The following ZBBX variants were observed in gnomAD, a reference collection of about 807,000 sequenced individuals.
ZBBX encodes the protein zinc finger B-box domain-containing protein 1.
In ZBBX, 101 loss-of-function variants were observed where a neutral mutation model predicts 108.5. The observed-to-expected ratio is 0.93, with a 90% CI of 0.79 to 1.10. The LOEUF (loss-of-function observed/expected upper bound fraction) is 1.10, where lower values mean the gene tolerates loss of function less well. Ranked by LOEUF, ZBBX falls within the 50% of genes least tolerant of loss-of-function variation. The probability of loss-of-function intolerance (pLI) is 0.00; values close to 1 mark genes in which losing one functional copy is unlikely to be tolerated. For missense variants in ZBBX, 1,009 were observed against 941.4 expected, an observed-to-expected ratio of 1.07 and a Z score of -0.94; for synonymous variants, 356 against 323.4, an observed-to-expected ratio of 1.10 and a Z score of -1.08.
In ZBBX at chr3:167,298,288, A is replaced by G; in HGVS notation, c.1879+17T>C. On this transcript the variant is annotated intron_variant, in intron 18 of 21. Coordinates refer to ENST00000675490, the MANE Select transcript of ZBBX (RefSeq NM_001199201.2). ...GATGAGAACAGACTGTTTTAGAAAA[A>G]TGAGCTAGAAATTTACCTGCAAGTG... 1 of 1,580,158 alleles carries G rather than the reference A, an allele frequency of 6.3e-7. No individual in the cohort carries two copies. Among genetic ancestry groups the G allele is most frequent in the Non-Finnish European group, 8.6e-7 (1 of 1,164,922 alleles).
At chr3:167,243,748 C>CTTTTTTTTTT in intron 20 of ZBBX, among the ~76,000 whole-genome samples, 1 of 70,874 alleles carries the variant, frequency 1.4e-5, no homozygotes, top group Admixed American at 1.9e-4. Flanking sequence ...GTGGACTTGA[C>CTTTTTTTTTT]TTTTTTTTTT....
the ZBBX span, among the ~76,000 whole-genome samples, chr3:167,195,739 G>T: frequency 6.6e-6 from 1 of 152,126 alleles, no homozygotes; most frequent in Non-Finnish European, 1.5e-5. Flanking sequence ...CAAATCTGAC[G>T]TTTATAACGG....
intron 6 of ZBBX, among the ~76,000 whole-genome samples, chr3:167,362,790 T>C (rs535963359): frequency 6.6e-6 from 1 of 152,124 alleles, no homozygotes; most frequent in South Asian, 2.1e-4. Flanking sequence ...GTTTCCAGAA[T>C]ATTATTGTGC....
At chr3:167,180,492 A>G in the ZBBX span, among the ~76,000 whole-genome samples, 1 of 152,210 alleles carries the variant, frequency 6.6e-6, no homozygotes, top group Non-Finnish European at 1.5e-5. Context: ...CTATAATTAA[A>G]CCAGTGTGAA....
In ZBBX at chr3:167,321,069, T is replaced by A. The variant is rs539628826; in HGVS notation, c.983+1048A>T. On this transcript the variant is annotated intron_variant, in intron 12 of 21. Transcript: ENST00000675490. ...TATTGTCCCTATGTAAGTTTCCTGG[T>A]TTTGATATGCACTATGTTTATGTAA... Among the ~76,000 whole-genome samples, 71 of 152,160 alleles carry A rather than the reference T, an allele frequency of 4.7e-4. 1 individual carries two copies. Among genetic ancestry groups the A allele is most frequent in the Non-Finnish European group, 9.3e-4 (63 of 67,958 alleles).
At chr3:167,191,651 C>T in the ZBBX span, among the ~76,000 whole-genome samples, 1 of 151,900 alleles carries the variant, frequency 6.6e-6, no homozygotes, top group African/African-American at 2.4e-5. Flanking sequence ...TGTGAAGCCT[C>T]CCCAGCCACG....
chr3:167,322,663 A>G (rs1736644660), intron 11 of ZBBX, among the ~76,000 whole-genome samples: 1 of 152,060 alleles, frequency 6.6e-6, no homozygotes, highest in African/African-American at 2.4e-5. Context: ...GGAGGAGACA[A>G]TTTTCTTCAC....
chr3:167,226,962 C>T, the ZBBX span, among the ~76,000 whole-genome samples: 8 of 151,594 alleles, frequency 5.3e-5, no homozygotes, highest in Admixed American at 5.3e-4. Flanking sequence ...GTGTGGAAGC[C>T]CCAATCAGGC....
At chr3:167,212,532 C>T in the ZBBX span, among the ~76,000 whole-genome samples, 1 of 152,198 alleles carries the variant, frequency 6.6e-6, no homozygotes, top group African/African-American at 2.4e-5. Flanking sequence ...AGTCCATCTC[C>T]CATGGGACCC....
At chr3:167,225,626 C>T in the ZBBX span, among the ~76,000 whole-genome samples, 1 of 151,784 alleles carries the variant, frequency 6.6e-6, no homozygotes, top group Non-Finnish European at 1.5e-5. Flanking sequence ...ATCGGGGGCT[C>T]GGATTGTCTT....
Position 167,282,423 on chromosome 3 carries a change from A to G in ZBBX, c.2069T>C (p.Leu690Pro), listed in dbSNP as rs1447447728. Residue 690 changes from leucine (L) to proline (P), a missense_variant, in exon 20 of 22, where the codon CTT becomes CCT. By Grantham distance (98) the Leu-to-Pro change is moderately conservative. Coordinates refer to ENST00000675490, the MANE Select transcript of ZBBX (RefSeq NM_001199201.2). ...SNSVKESSSC[L>P]SSSHPRSRSA... ...TCTTGATCGAGGATGAGAGGATGAA[A>G]GGCAACTGGAGCTTTCTTTAACAGA... The G allele has an allele frequency of 6.2e-7, 1 of 1,614,082 alleles. No individual in the cohort carries two copies. Among genetic ancestry groups the G allele is most frequent in the South Asian group, 1.1e-5 (1 of 91,084 alleles).
At chr3:167,213,259 A>G in the ZBBX span, among the ~76,000 whole-genome samples, 1 of 152,232 alleles carries the variant, frequency 6.6e-6, no homozygotes, top group East Asian at 1.9e-4. Context: ...AGATTCAGGA[A>G]GATGGCAAAA....
At chr3:167,204,755 C>G in the ZBBX span, among the ~76,000 whole-genome samples, 1 of 151,528 alleles carries the variant, frequency 6.6e-6, no homozygotes, top group South Asian at 2.1e-4. Flanking sequence ...GGGTATATAC[C>G]CAGTAATGGG....
chr3:167,307,782 C>T (rs1291497524), intron 16 of ZBBX, among the ~76,000 whole-genome samples: 1 of 152,072 alleles, frequency 6.6e-6, no homozygotes, highest in Admixed American at 6.6e-5. Flanking sequence ...TGAAGCTGGA[C>T]CCCTTCCTTA....
At chr3:167,285,979 A>T (rs1273742742) in intron 19 of ZBBX, among the ~76,000 whole-genome samples, 1 of 152,184 alleles carries the variant, frequency 6.6e-6, no homozygotes, top group East Asian at 1.9e-4. Flanking sequence ...TAATAAGATG[A>T]TGTTAAATAG....
chr3:167,285,974 A>C (rs1454133305), intron 19 of ZBBX, among the ~76,000 whole-genome samples: 2 of 152,178 alleles, frequency 1.3e-5, no homozygotes, highest in Non-Finnish European at 2.9e-5. Flanking sequence ...AAAGCTAATA[A>C]GATGATGTTA....
Position 167,317,007 on chromosome 3 carries a change from C to T in ZBBX, c.1192G>A (p.Asp398Asn). 1 of 1,581,876 alleles carries T rather than the reference C, an allele frequency of 6.3e-7. No individual in the cohort carries two copies. The highest frequency in any genetic ancestry group is 8.7e-7 in the Non-Finnish European group (1 of 1,155,398). ...TCATTATGCACTTATGCACTTACAT[C>T]ATCCAGTTCGACTATCTTTAGAGAT... ...EPSLKIVELD[D>N]TYEEEFEEAE... Residue 398 changes from aspartate (D) to asparagine (N), a missense_variant and splice_region_variant, in exon 14 of 22, where the codon GAT (aspartate) becomes AAT (asparagine). Coordinates refer to ENST00000675490, the MANE Select transcript of ZBBX (RefSeq NM_001199201.2).
intron 11 of ZBBX, among the ~76,000 whole-genome samples, chr3:167,324,148 C>CT (rs201432775): frequency 7.1e-4 from 107 of 149,952 alleles, no homozygotes; most frequent in Non-Finnish European, 6.7e-4. Context: ...AAACAAAATT[C>CT]TTTTTTTTTT....
chr3:167,396,653 T>C (rs182205692), intron 1 of ZBBX, among the ~76,000 whole-genome samples: 52 of 152,166 alleles, frequency 3.4e-4, no homozygotes, highest in Admixed American at 1.4e-3. Flanking sequence ...AGTATGTAAC[T>C]GATTAAGTAA....
Sources: allele counts gnomAD v4.1 joint callset (sites outside exome capture counted in the v4.1 genomes callset), GRCh38; gene constraint gnomAD v4.1.1; transcripts MANE v1.5; gene names NCBI Gene and HGNC (gene_info 2026-07-23, HGNC 2026-07-21).